Variants in IGSF21 observed in about 807,000 individuals in gnomAD.
IGSF21 encodes the protein immunoglobin superfamily member 21.
In IGSF21, 28 loss-of-function variants were observed where a neutral mutation model predicts 46.8. The observed-to-expected ratio is 0.60, with a 90% CI of 0.44 to 0.82. The LOEUF (loss-of-function observed/expected upper bound fraction) is 0.82. Among genes scored for constraint, IGSF21 ranks in the 40% least tolerant of loss-of-function variants. IGSF21 has a pLI of 0.00. For missense variants in IGSF21, 624 were observed against 665.5 expected (o/e 0.94, Z 0.69); for synonymous variants, 284 against 273.6 (o/e 1.04, Z -0.38).
chr1:18,253,493 C>T (rs1164585896), intron 2 of IGSF21, among the ~76,000 whole-genome samples: 1 of 152,200 alleles, frequency 6.6e-6, no homozygotes, highest in Non-Finnish European at 1.5e-5. Context: ...CCAGAGAACC[C>T]CCAGGCTGGA....
intron 1 of IGSF21, among the ~76,000 whole-genome samples, chr1:18,120,227 C>T (rs1393126306): frequency 6.6e-6 from 1 of 152,212 alleles, no homozygotes; most frequent in African/African-American, 2.4e-5. Context: ...CTACCTATAG[C>T]TTGGAGGAGT....
intron 2 of IGSF21, among the ~76,000 whole-genome samples, chr1:18,235,057 T>G (rs910696877): frequency 6.6e-6 from 1 of 152,230 alleles, no homozygotes; most frequent in Non-Finnish European, 1.5e-5. Context: ...CTCTGACAGC[T>G]CATTAGACTT....
chr1:18,119,795 C>T (rs904454932), intron 1 of IGSF21, among the ~76,000 whole-genome samples: 1 of 151,684 alleles, frequency 6.6e-6, no homozygotes, highest in Non-Finnish European at 1.5e-5. Context: ...ATTTTTCAGT[C>T]ACTCTCTGTT....
chr1:18,287,759 C>G (rs1385880170), intron 2 of IGSF21, among the ~76,000 whole-genome samples: 2 of 152,198 alleles, frequency 1.3e-5, no homozygotes, highest in Non-Finnish European at 1.5e-5. Context: ...ACGATGACTA[C>G]TAGCAAATTC....
chr1:18,265,551 T>C (rs1269741238), intron 2 of IGSF21, among the ~76,000 whole-genome samples: 1 of 152,224 alleles, frequency 6.6e-6, no homozygotes, highest in East Asian at 1.9e-4. Flanking sequence ...ACCTGCATCC[T>C]TGGGGAGCCC....
chr1:18,300,248 T>C (rs1388843569), intron 3 of IGSF21, among the ~76,000 whole-genome samples: 1 of 151,948 alleles, frequency 6.6e-6, no homozygotes, highest in Non-Finnish European at 1.5e-5. Context: ...CTGGGGAACC[T>C]GGAATTCATT....
chr1:18,215,705 C>A lies in IGSF21; in HGVS notation c.71-12193C>A, dbSNP rs190744237. Among the ~76,000 whole-genome samples the A allele has an allele frequency of 1.8e-3, 276 of 152,138 alleles. 4 individuals are homozygous for A. The highest frequency in any genetic ancestry group is 0.016 in the Admixed American group (247 of 15,276). The stretch of plus-strand genomic sequence containing the variant: ...GCTCAGGGTGCAAAAGATAGAAGGG[C>A]AAGAGATGAGCAGAGCAGGAGGAAG... On this transcript the variant is annotated intron_variant, in intron 1 of 9. Transcript: ENST00000251296.
chr1:18,120,085 G>A (rs531160249), intron 1 of IGSF21, among the ~76,000 whole-genome samples: 3 of 152,358 alleles, frequency 2.0e-5, no homozygotes, highest in African/African-American at 7.2e-5. Context: ...TATCAATCAG[G>A]TTCTGGCAGG....
chr1:18,162,643 C>T (rs1247024739), intron 1 of IGSF21, among the ~76,000 whole-genome samples: 1 of 152,198 alleles, frequency 6.6e-6, no homozygotes, highest in Non-Finnish European at 1.5e-5. Context: ...GTACTAAATA[C>T]ATTTTTGACT....
At chr1:18,181,600 G>A (rs1166864244) in intron 1 of IGSF21, among the ~76,000 whole-genome samples, 1 of 152,140 alleles carries the variant, frequency 6.6e-6, no homozygotes. Flanking sequence ...GCCATGCCCT[G>A]GAAAGACACC....
chr1:18,369,381 G>A (rs76700630), intron 6 of IGSF21, among the ~76,000 whole-genome samples: 32 of 152,302 alleles, frequency 2.1e-4, no homozygotes, highest in African/African-American at 7.0e-4. Context: ...CTGTGAGGCC[G>A]CTGAGAGTTG....
chr1:18,305,187 GATGGATGGATGGATGGATGAATGGATA>G (rs1445784924), intron 3 of IGSF21, among the ~76,000 whole-genome samples: 2 of 151,918 alleles, frequency 1.3e-5, no homozygotes, highest in African/African-American at 2.4e-5. Context: ...GAAGGGGATG[GATGGATGGATGGATGGATGAATGGATA>G]ATGGATGGAT....
chr1:18,273,598 C>G (rs1302484600), intron 2 of IGSF21, among the ~76,000 whole-genome samples: 1 of 150,922 alleles, frequency 6.6e-6, no homozygotes, highest in Non-Finnish European at 1.5e-5. Context: ...CAAAACACAA[C>G]CAGATCTATA....
At chr1:18,221,751 G>C (rs1290681697) in intron 1 of IGSF21, among the ~76,000 whole-genome samples, 1 of 152,128 alleles carries the variant, frequency 6.6e-6, no homozygotes, top group East Asian at 1.9e-4. Flanking sequence ...ACACATCGAG[G>C]CTGATTGGTG....
chr1:18,247,003 C>T (rs990342914), intron 2 of IGSF21, among the ~76,000 whole-genome samples: 1 of 151,266 alleles, frequency 6.6e-6, no homozygotes, highest in Non-Finnish European at 1.5e-5. Context: ...AAAACTGAGG[C>T]GCAGAGACGT....
At chr1:18,289,614 G>T (rs2085247539) in intron 2 of IGSF21, among the ~76,000 whole-genome samples, 1 of 152,086 alleles carries the variant, frequency 6.6e-6, no homozygotes, top group South Asian at 2.1e-4. Flanking sequence ...CTTAAAACTG[G>T]GTTTCTCCAC....
chr1:18,219,438 G>A (rs11578597), intron 1 of IGSF21, among the ~76,000 whole-genome samples: 73,067 of 151,976 alleles, frequency 0.48, 18,061 homozygotes, highest in Non-Finnish European at 0.53. Context: ...AAATCAGAGA[G>A]GTAGGGAGGA....
At chr1:18,221,687 A>T (rs1010596946) in intron 1 of IGSF21, among the ~76,000 whole-genome samples, 1 of 152,172 alleles carries the variant, frequency 6.6e-6, no homozygotes, top group African/African-American at 2.4e-5. Context: ...CTTAGTTAAG[A>T]TGGATCCGTC....
In IGSF21 at chr1:18,345,530, G is replaced by A. The variant is rs532521830; in HGVS notation, c.424+10520G>A. On this transcript the variant is annotated intron_variant, in intron 4 of 9. Coordinates refer to ENST00000251296, the MANE Select transcript of IGSF21 (RefSeq NM_032880.5). ...CTCCTGAGTAGCCAGGATTATAGGCGCGCACTACCACGTCCAGCTAATTTT... is the reference window on the plus strand; with the variant it reads ...CTCCTGAGTAGCCAGGATTATAGGCACGCACTACCACGTCCAGCTAATTTT... Among the ~76,000 whole-genome samples the A allele has an allele frequency of 1.8e-4, 27 of 152,140 alleles. 1 individual carries two copies. In the South Asian group the frequency reaches 1.9e-3, roughly 11 times the overall value.
Sources: allele counts gnomAD v4.1 joint callset (sites outside exome capture counted in the v4.1 genomes callset), GRCh38; gene constraint gnomAD v4.1.1; transcripts MANE v1.5; gene names NCBI Gene and HGNC (gene_info 2026-07-23, HGNC 2026-07-21).